RABEP1: variants seen among roughly 807,000 people sequenced by gnomAD.
RABEP1 encodes the protein rabaptin, RAB GTPase binding effector protein 1, also known as rab GTPase-binding effector protein 1.
Under a neutral mutation model 123.4 loss-of-function variants are expected in RABEP1, and 51 were observed. That is an observed-to-expected ratio of 0.41 (90% CI 0.33 to 0.52). RABEP1 has a LOEUF of 0.52. RABEP1 is among the 20% of genes least tolerant of loss of function. The probability of loss-of-function intolerance (pLI) is 0.16; values close to 1 mark genes in which losing one functional copy is unlikely to be tolerated. For synonymous variants in RABEP1, 347 were observed against 355.2 expected (o/e 0.98, Z 0.26); for missense variants, 888 against 996.3 (o/e 0.89, Z 1.46).
At chr17:5,373,132 C>G (rs780158171) in intron 12 of RABEP1, among the ~76,000 whole-genome samples, 182 bp from the exon 13 acceptor site, 6 of 152,130 alleles carry the variant, frequency 3.9e-5, no homozygotes, top group Non-Finnish European at 8.8e-5. Flanking sequence ...TTGCCTGTCC[C>G]TTGTTGAATA....
intron 12 of RABEP1, among the ~76,000 whole-genome samples, chr17:5,371,079 G>A (rs1310981163): frequency 6.6e-6 from 1 of 151,892 alleles, no homozygotes; most frequent in East Asian, 1.9e-4. Flanking sequence ...CCATTCTCCT[G>A]CCTCAGCCTC....
chr17:5,317,975 G>A (rs903457984), intron 2 of RABEP1, among the ~76,000 whole-genome samples: 3 of 152,156 alleles, frequency 2.0e-5, no homozygotes, highest in Non-Finnish European at 4.4e-5. Context: ...GTGGTGGGTG[G>A]TGCCCCAGAG....
chr17:5,325,671 A>G (rs1048759911), intron 2 of RABEP1, among the ~76,000 whole-genome samples: 2 of 151,732 alleles, frequency 1.3e-5, no homozygotes, highest in African/African-American at 4.8e-5. Context: ...AAGAATTCGA[A>G]TGGTTCTAGC....
intron 7 of RABEP1, among the ~76,000 whole-genome samples, chr17:5,351,407 C>T (rs1908541879): frequency 6.6e-6 from 1 of 152,120 alleles, no homozygotes; most frequent in Non-Finnish European, 1.5e-5. Context: ...GATTGTTTTA[C>T]CATTTGGTAG....
At chr17:5,312,232 C>T (rs943850470) in intron 2 of RABEP1, among the ~76,000 whole-genome samples, 4 of 152,220 alleles carry the variant, frequency 2.6e-5, no homozygotes, top group Admixed American at 6.5e-5. Context: ...TCACTGCAAC[C>T]TCTGCCCCAC....
At chr17:5,366,284 T>C (rs557592286) in intron 11 of RABEP1, among the ~76,000 whole-genome samples, 2 of 152,352 alleles carry the variant, frequency 1.3e-5, no homozygotes, top group Admixed American at 1.3e-4. Context: ...ATTTTCTGTG[T>C]GTGAGAGATT....
At position 5,282,514 on chromosome 17, in the gene RABEP1, C is replaced by T; in HGVS notation, c.28C>T (p.Pro10Ser). 1.6e-6 allele frequency: 2 copies of T among 1,244,342 alleles called. No homozygotes were observed. The highest frequency in any genetic ancestry group is 3.2e-5 in the East Asian group (1 of 30,908). 77.1% of individuals were successfully genotyped at this position (1,244,342 alleles called of 1,614,324 possible). A position where few individuals can be genotyped will look rare whatever the true frequency, so the allele number is the denominator to read the frequency against. Reference protein sequence around the residue: MAQPGPASQPDVSLQQRVAE... With the variant: MAQPGPASQSDVSLQQRVAE... ...GGCGCAGCCGGGCCCGGCTTCCCAG[C>T]CTGACGGTGAGGCGCCCACCATGGC... is the stretch of plus-strand genomic sequence containing the variant. The change falls in exon 1 of 18, where the codon CCT becomes TCT. Residue 10 changes from proline to serine, a missense_variant. Coordinates refer to ENST00000537505, the MANE Select transcript of RABEP1 (RefSeq NM_004703.6).
At chr17:5,325,263 GA>G (rs1436793052) in intron 2 of RABEP1, among the ~76,000 whole-genome samples, 1 of 152,100 alleles carries the variant, frequency 6.6e-6, no homozygotes, top group Non-Finnish European at 1.5e-5. Context: ...TTGAACCCGG[GA>G]GGTGGAGGTT....
Position 5,369,892 on chromosome 17 carries a change from G to A in RABEP1, c.1884+1424G>A, listed in dbSNP as rs1010594265. ...ATTTTGTATTTTTAGTAGAGACGGG[G>A]TTTCTCCATGTTGGTCGGGCTGGTC... On this transcript the variant is annotated intron_variant, in intron 12 of 17. Coordinates refer to ENST00000537505, the MANE Select transcript of RABEP1 (RefSeq NM_004703.6). Among the ~76,000 whole-genome samples the A allele has an allele frequency of 9.9e-5, 15 of 152,060 alleles. 1 individual carries two copies. Among genetic ancestry groups the A allele is most frequent in the African/African-American group, 3.6e-4 (15 of 41,388 alleles).
intron 3 of RABEP1, among the ~76,000 whole-genome samples, chr17:5,334,529 G>A (rs1305421719): frequency 6.6e-6 from 1 of 152,168 alleles, no homozygotes; most frequent in Admixed American, 6.5e-5. Context: ...ACCACACCCG[G>A]CAATTTTTCT....
At chr17:5,295,495 TTTTC>T (rs2075074732) in intron 1 of RABEP1, among the ~76,000 whole-genome samples, 1 of 152,112 alleles carries the variant, frequency 6.6e-6, no homozygotes, top group South Asian at 2.1e-4. Context: ...GTTTTTATTT[TTTTC>T]TATTTCAAAG....
chr17:5,361,717 G>A, intron 9 of RABEP1, 42 bp downstream of exon 9: 1 of 1,493,678 alleles, frequency 6.7e-7, no homozygotes, highest in Non-Finnish European at 9.1e-7. Flanking sequence ...CTCACGCTGA[G>A]GCACACTGGG....
chr17:5,375,739 T>G (rs570272182), intron 13 of RABEP1, among the ~76,000 whole-genome samples: 4 of 152,152 alleles, frequency 2.6e-5, no homozygotes, highest in African/African-American at 9.6e-5. Context: ...GGAACCTGTC[T>G]ACTTTTGCTA....
chr17:5,293,271 G>A (rs967209908), intron 1 of RABEP1, among the ~76,000 whole-genome samples: 3 of 151,586 alleles, frequency 2.0e-5, no homozygotes, highest in Admixed American at 2.0e-4. Flanking sequence ...TGGACAATAA[G>A]AGGGAAACTC....
At chr17:5,333,995 G>A (rs1228646999) in intron 3 of RABEP1, among the ~76,000 whole-genome samples, 2 of 151,338 alleles carry the variant, frequency 1.3e-5, no homozygotes, top group African/African-American at 4.9e-5. Context: ...AGTCTTACTG[G>A]TAAGGAAGAA....
At chr17:5,287,775 G>C (rs1221242274) in intron 1 of RABEP1, among the ~76,000 whole-genome samples, 2 of 151,992 alleles carry the variant, frequency 1.3e-5, no homozygotes, top group African/African-American at 4.8e-5. Flanking sequence ...AGCCGGGTGT[G>C]ATGGCCTGTG....
At chr17:5,295,567 C>G (rs947936050) in intron 1 of RABEP1, among the ~76,000 whole-genome samples, 1 of 152,002 alleles carries the variant, frequency 6.6e-6, no homozygotes, top group African/African-American at 2.4e-5. Flanking sequence ...AAATACTTCC[C>G]TCTGCTAAAT....
chr17:5,384,050 A>G lies in RABEP1; in HGVS notation c.*827A>G, dbSNP rs1911734035. 1 of 217,716 alleles carries G rather than the reference A, an allele frequency of 4.6e-6. No homozygotes were observed. The highest frequency in any genetic ancestry group is 6.9e-5 in the East Asian group (1 of 14,590). 13.5% of individuals were successfully genotyped at this position (217,716 alleles called of 1,614,324 possible). A position where few individuals can be genotyped will look rare whatever the true frequency, so the allele number is the denominator to read the frequency against. On this transcript the variant is annotated 3_prime_UTR_variant, in exon 18 of 18. Transcript: ENST00000537505. ...TTTTAGTCTAGTTATTGGATCAGTG[A>G]AAAACATTAGTATACGTTTTTAAAT...
In RABEP1 at chr17:5,361,250, G is replaced by T; in HGVS notation, c.1138G>T (p.Ala380Ser). The T allele has an allele frequency of 1.2e-6, 2 of 1,614,170 alleles. No homozygotes were observed. Among genetic ancestry groups the T allele is most frequent in the Non-Finnish European group, 1.7e-6 (2 of 1,180,034 alleles). Residue 380 changes from alanine (A) to serine (S), a missense_variant, in exon 9 of 18, where the codon GCA becomes TCA. Transcript: ENST00000537505. ...CCGTGGCTCAGTTCATTCCTTAGAT[G>T]CAGGCTTGCTGTTGCCATCTGGAGA... Reference protein sequence around the residue: ...STRGSVHSLDAGLLLPSGDPF... With the variant: ...STRGSVHSLDSGLLLPSGDPF...
Sources: allele counts gnomAD v4.1 joint callset (sites outside exome capture counted in the v4.1 genomes callset), GRCh38; gene constraint gnomAD v4.1.1; transcripts MANE v1.5; gene names NCBI Gene and HGNC (gene_info 2026-07-23, HGNC 2026-07-21).